CTSS: variants seen among roughly 807,000 people sequenced by gnomAD.
CTSS encodes the protein cathepsin S.
CTSS carries 15 observed loss-of-function variants against 39.9 expected under a neutral mutation model. The ratio of observed to expected loss-of-function variants is 0.38; its 90% CI spans 0.25 to 0.58. CTSS has a LOEUF of 0.58. Among genes scored for constraint, CTSS ranks in the 20% least tolerant of loss-of-function variants. The pLI is 0.70. For missense variants in CTSS, 250 were observed against 398.2 expected (o/e 0.63, Z 3.17); for synonymous variants, 126 against 138.2 (o/e 0.91, Z 0.62).
At chr1:150,764,827 T>C (rs1379640299) in intron 1 of CTSS, 63 bp from the exon 2 acceptor site, 3 of 1,574,868 alleles carry the variant, frequency 1.9e-6, no homozygotes, top group African/African-American at 2.7e-5. Context: ...GACCACATGT[T>C]TTCATAAGAG....
intron 7 of CTSS, among the ~76,000 whole-genome samples, chr1:150,735,102 C>T (rs896190361): frequency 4.6e-5 from 7 of 152,102 alleles, no homozygotes; most frequent in African/African-American, 1.7e-4. Flanking sequence ...TTGTGAACAG[C>T]TTAGAACAGC....
chr1:150,736,007 C>T (rs1196659636), intron 7 of CTSS, among the ~76,000 whole-genome samples: 2 of 152,084 alleles, frequency 1.3e-5, no homozygotes, highest in East Asian at 1.9e-4. Context: ...ATCTGCCCGC[C>T]TCAGCCTCCC....
At chr1:150,745,070 A>G (rs1391876107) in intron 7 of CTSS, among the ~76,000 whole-genome samples, 1 of 152,160 alleles carries the variant, frequency 6.6e-6, no homozygotes, top group Non-Finnish European at 1.5e-5. Flanking sequence ...CAAGATATTG[A>G]TCCCCTCAGC....
At chr1:150,739,444 C>A (rs1293917281) in intron 7 of CTSS, among the ~76,000 whole-genome samples, 1 of 152,092 alleles carries the variant, frequency 6.6e-6, no homozygotes, top group Non-Finnish European at 1.5e-5. Flanking sequence ...GGTGCAGTGG[C>A]TCATGCCTGT....
At chr1:150,749,626 C>CTCTTTCTTCCTTCTTTCTCTT (rs1381620024) in intron 6 of CTSS, among the ~76,000 whole-genome samples, 1 of 146,946 alleles carries the variant, frequency 6.8e-6, no homozygotes, top group Non-Finnish European at 1.5e-5. Flanking sequence ...TGCCCTGCCC[C>CTCTTTCTTCCTTCTTTCTCTT]TCTTTCTTCC....
intron 3 of CTSS, among the ~76,000 whole-genome samples, chr1:150,755,952 T>C (rs951846588): frequency 3.9e-5 from 6 of 152,222 alleles, no homozygotes; most frequent in African/African-American, 1.4e-4. Flanking sequence ...CTTAGTTTAA[T>C]GCAACTTTTT....
rs367878794 is a variant in CTSS at position 150,733,181 on chromosome 1, G to A, written c.897-36C>T. ...AGAAATAATACAAAATTACAAATGC[G>A]TACAATCAAACCATGTTATCAACTT... is the stretch of plus-strand genomic sequence containing the variant. On this transcript the variant is annotated intron_variant, in intron 7 of 7. Coordinates refer to ENST00000368985, the MANE Select transcript of CTSS (RefSeq NM_004079.5). The A allele has an allele frequency of 2.5e-5, 36 of 1,468,122 alleles. No individual in the cohort carries two copies. In the Admixed American group the frequency reaches 2.6e-4, roughly 11 times the overall value. 90.9% of individuals were successfully genotyped at this position (1,468,122 alleles called of 1,614,324 possible). A position where few individuals can be genotyped will look rare whatever the true frequency, so the allele number is the denominator to read the frequency against.
At position 150,755,089 on chromosome 1, in the gene CTSS, T is replaced by C; in HGVS notation, c.311A>G (p.Asn104Ser). 1 of 1,614,210 alleles carries C rather than the reference T, an allele frequency of 6.2e-7. No individual in the cohort carries two copies. Among genetic ancestry groups the C allele is most frequent in the Non-Finnish European group, 8.5e-7 (1 of 1,180,022 alleles). ...SLRVPSQWQR[N>S]ITYKSNPNRI... is the part of the protein sequence containing the mutation. ...ATTAGGGTTTGACTTATATGTGATA[T>C]TTCTCTGCCACTGGCTGGGAACTCT... Residue 104 changes from asparagine to serine, a missense_variant, in exon 4 of 8, where the codon AAT becomes AGT. Transcript: ENST00000368985.
chr1:150,745,408 C>T (rs1652873793), intron 7 of CTSS, among the ~76,000 whole-genome samples: 2 of 152,090 alleles, frequency 1.3e-5, no homozygotes, highest in African/African-American at 4.8e-5. Flanking sequence ...CACCTGTAAT[C>T]CCAGTGCTCT....
At position 150,751,997 on chromosome 1, in the gene CTSS, A is replaced by G. The variant is rs752146561; in HGVS notation, c.411T>C (p.Gly137=). The G allele has an allele frequency of 1.9e-6, 3 of 1,614,136 alleles. No individual in the cohort carries two copies. Among genetic ancestry groups the G allele is most frequent in the South Asian group, 2.2e-5 (2 of 91,072 alleles). ...CCACAGCACTGAAAGCCCAGCAAGC[A>G]CCACAAGAACCCTAAAACAGATACA... ...VTEVKYQGSC[G]ACWAFSAVGA... The change falls in exon 5 of 8, where the codon GGT becomes GGC. Residue 137 remains glycine (G), a synonymous_variant. Transcript: ENST00000368985.
At chr1:150,740,546 A>G (rs935112912) in intron 7 of CTSS, among the ~76,000 whole-genome samples, 4 of 151,868 alleles carry the variant, frequency 2.6e-5, no homozygotes, top group Non-Finnish European at 5.9e-5. Context: ...ATGCGCCACC[A>G]CGCCTGGCTA....
chr1:150,747,185 C>T (rs1286999610), intron 7 of CTSS, among the ~76,000 whole-genome samples: 2 of 152,120 alleles, frequency 1.3e-5, no homozygotes, highest in African/African-American at 4.8e-5. Context: ...TCCATCATAT[C>T]TTATTGGGTG....
intron 2 of CTSS, among the ~76,000 whole-genome samples, chr1:150,760,569 G>A (rs370641556): frequency 3.3e-4 from 50 of 152,052 alleles, no homozygotes; most frequent in East Asian, 2.5e-3. Flanking sequence ...GTGAAATTGC[G>A]TTTGTTTGTT....
chr1:150,748,798 A>T (rs1052381328), intron 6 of CTSS, among the ~76,000 whole-genome samples: 1 of 152,194 alleles, frequency 6.6e-6, no homozygotes, highest in African/African-American at 2.4e-5. Flanking sequence ...TACATTCAGC[A>T]AGTCTATTGG....
At chr1:150,750,543 A>G (rs1191352010) in intron 5 of CTSS, among the ~76,000 whole-genome samples, 1 of 152,226 alleles carries the variant, frequency 6.6e-6, no homozygotes, top group African/African-American at 2.4e-5. Flanking sequence ...TGGTATATAA[A>G]GACCATATAA....
intron 3 of CTSS, among the ~76,000 whole-genome samples, chr1:150,755,404 T>C (rs1401527453): frequency 2.0e-5 from 3 of 152,174 alleles, no homozygotes; most frequent in Non-Finnish European, 4.4e-5. Context: ...TATCTAAATA[T>C]ATCTAAACAT....
At chr1:150,749,888 C>T in intron 6 of CTSS, 118 bp downstream of exon 6, 1 of 811,074 alleles carries the variant, frequency 1.2e-6, no homozygotes, top group Non-Finnish European at 1.9e-6. Context: ...CTCCCAGGCT[C>T]AAGCAATCCT....
chr1:150,732,818 A>C lies in CTSS; in HGVS notation c.*228T>G. On this transcript the variant is annotated 3_prime_UTR_variant, in exon 8 of 8. Transcript: ENST00000368985. Reference sequence around the variant, plus strand: ...GAGATGGGGTTTCACCATGTTAGCCAGGCTGCTCTTTAACTCCTGGCCTCA... The same window carrying C: ...GAGATGGGGTTTCACCATGTTAGCCCGGCTGCTCTTTAACTCCTGGCCTCA... 3 of 333,458 alleles carry C rather than the reference A, an allele frequency of 9.0e-6. No individual in the cohort carries two copies. The highest frequency in any genetic ancestry group is 1.7e-5 in the Non-Finnish European group (3 of 180,234). The allele number at this position is 333,458 out of a possible 1,614,324, so 20.7% of individuals were successfully genotyped here. A position where few individuals can be genotyped will look rare whatever the true frequency, so the allele number is the denominator to read the frequency against.
At chr1:150,764,501 G>A in intron 2 of CTSS, 137 bp downstream of exon 2, 1 of 1,170,260 alleles carries the variant, frequency 8.5e-7, no homozygotes, top group Non-Finnish European at 1.2e-6. Flanking sequence ...GCCTTCCAAA[G>A]GGCTAGGATT....
Sources: allele counts gnomAD v4.1 joint callset (sites outside exome capture counted in the v4.1 genomes callset), GRCh38; gene constraint gnomAD v4.1.1; transcripts MANE v1.5; gene names NCBI Gene and HGNC (gene_info 2026-07-23, HGNC 2026-07-21).